Variants in PROM1 observed in about 807,000 individuals in gnomAD.
PROM1 encodes the protein prominin-1.
PROM1 carries 105 observed loss-of-function variants against 116.9 expected under a neutral mutation model. That is an observed-to-expected ratio of 0.90 (90% CI 0.77 to 1.06). The LOEUF (loss-of-function observed/expected upper bound fraction) is 1.06. Among genes scored for constraint, PROM1 ranks in the 50% least tolerant of loss-of-function variants. The probability of loss-of-function intolerance (pLI) is 0.00; values close to 1 mark genes in which losing one functional copy is unlikely to be tolerated. For synonymous variants in PROM1, 393 were observed against 387.0 expected (o/e 1.02, Z -0.18); for missense variants, 1,122 against 1,045.2 (o/e 1.07, Z -1.01).
At chr4:16,043,763 C>T (rs1223363907) in intron 2 of PROM1, among the ~76,000 whole-genome samples, 2 of 152,200 alleles carry the variant, frequency 1.3e-5, no homozygotes, top group Non-Finnish European at 2.9e-5. Context: ...ATGACGCTGT[C>T]TGGGATGTGG....
intron 23 of PROM1, among the ~76,000 whole-genome samples, chr4:15,981,252 C>T (rs988855570): frequency 6.0e-5 from 9 of 150,316 alleles, no homozygotes; most frequent in African/African-American, 1.5e-4. Context: ...TGAGCCACCG[C>T]GCCTGGCTGA....
chr4:16,055,540 C>T, intron 2 of PROM1: 2 of 414,908 alleles, frequency 4.8e-6, no homozygotes, highest in South Asian at 3.5e-5. Flanking sequence ...TAGCCTAATA[C>T]CAATTCACGG....
chr4:16,079,835 T>C (rs1744663904), intron 1 of PROM1: 1 of 151,776 alleles, frequency 6.6e-6, no homozygotes, highest in South Asian at 2.1e-4. Flanking sequence ...CATTGGAAAA[T>C]AACACATGTA....
At chr4:15,997,066 C>T (rs1398854532) in intron 15 of PROM1, among the ~76,000 whole-genome samples, 1 of 151,824 alleles carries the variant, frequency 6.6e-6, no homozygotes, top group African/African-American at 2.4e-5. Context: ...TAAAGTGACT[C>T]CCTTCCCTGT....
At chr4:16,008,714 T>C (rs1323280212) in intron 12 of PROM1, among the ~76,000 whole-genome samples, 1 of 152,242 alleles carries the variant, frequency 6.6e-6, no homozygotes, top group East Asian at 1.9e-4. Context: ...ATATCATCTG[T>C]ACACAGGAGT....
rs369358723 is a variant in PROM1, at chr4:16,020,042, G to C, written c.785-1502C>G. Among the ~76,000 whole-genome samples the C allele has an allele frequency of 1.8e-4, 27 of 152,220 alleles. No homozygotes were observed. The South Asian group carries it at 5.6e-3, about 32-fold the overall frequency. On this transcript the variant is annotated intron_variant, in intron 8 of 27. Transcript: ENST00000447510. Reference sequence around the variant, plus strand: ...ATCTATAAATTAGGGAGTGTGTTGGGTCACCTCCTGGTTACTAGAAGAGTC... The same window carrying C: ...ATCTATAAATTAGGGAGTGTGTTGGCTCACCTCCTGGTTACTAGAAGAGTC...
At chr4:16,015,408 G>A (rs1018879860) in intron 10 of PROM1, among the ~76,000 whole-genome samples, 4 of 148,182 alleles carry the variant, frequency 2.7e-5, no homozygotes, top group East Asian at 4.0e-4. Flanking sequence ...ACTAAGTAGC[G>A]GCTGGGTGTG....
chr4:16,000,386 T>TA, intron 14 of PROM1, 110 bp downstream of exon 14: 1 of 952,342 alleles, frequency 1.1e-6, no homozygotes. Flanking sequence ...TTACTGAATT[T>TA]AAACCAAACT....
intron 8 of PROM1, among the ~76,000 whole-genome samples, chr4:16,020,512 A>C (rs1729574377): frequency 6.6e-6 from 1 of 152,172 alleles, no homozygotes; most frequent in Admixed American, 6.5e-5. Context: ...ACAGAAATAC[A>C]CCAGAAATAC....
chr4:16,021,256 T>C (rs914606371), intron 8 of PROM1, among the ~76,000 whole-genome samples: 1 of 151,998 alleles, frequency 6.6e-6, no homozygotes, highest in African/African-American at 2.4e-5. Context: ...AAAAAGAGAA[T>C]CTTTGAGTTA....
intron 26 of PROM1, among the ~76,000 whole-genome samples, chr4:15,974,769 CAG>C (rs1715676726): frequency 2.0e-5 from 3 of 152,300 alleles, no homozygotes; most frequent in South Asian, 4.1e-4. Flanking sequence ...CCGCATCAGC[CAG>C]AGTCTTTTCT....
chr4:16,082,948 T>G (rs1406146266), intron 1 of PROM1, among the ~76,000 whole-genome samples: 1 of 151,820 alleles, frequency 6.6e-6, no homozygotes, highest in Non-Finnish European at 1.5e-5. Flanking sequence ...AGCACCCCAG[T>G]TCTCCATCTA....
chr4:16,004,833 C>CTT (rs1164773790), intron 13 of PROM1, among the ~76,000 whole-genome samples: 535 of 42,358 alleles, frequency 0.013, 6 homozygotes, highest in African/African-American at 0.031. Flanking sequence ...CTTTCTTTTT[C>CTT]TTCCTTCCTT....
intron 2 of PROM1, among the ~76,000 whole-genome samples, chr4:16,062,902 A>G (rs1489479649): frequency 6.6e-6 from 1 of 152,216 alleles, no homozygotes; most frequent in Non-Finnish European, 1.5e-5. Context: ...CAAAATATGC[A>G]AAGTATCCCC....
chr4:15,997,522 C>G (rs1243211375), intron 15 of PROM1, among the ~76,000 whole-genome samples: 1 of 151,960 alleles, frequency 6.6e-6, no homozygotes, highest in Non-Finnish European at 1.5e-5. Flanking sequence ...TGCAGTGGCA[C>G]GATCTTGGCT....
intron 5 of PROM1, among the ~76,000 whole-genome samples, chr4:16,025,864 A>T (rs748008458): frequency 3.9e-5 from 6 of 152,228 alleles, no homozygotes; most frequent in Non-Finnish European, 8.8e-5. Context: ...TCCAGGTTGG[A>T]AAGTAACATG....
intron 13 of PROM1, among the ~76,000 whole-genome samples, chr4:16,004,851 T>TCCTTCCTC (rs1724860175): frequency 1.4e-5 from 2 of 141,652 alleles, no homozygotes; most frequent in South Asian, 2.3e-4. Context: ...CTTCCTTCCT[T>TCCTTCCTC]CCTTCCTTCC....
chr4:16,075,555 T>C (rs1743770479), intron 2 of PROM1, 132 bp downstream of exon 2: 1 of 880,948 alleles, frequency 1.1e-6, no homozygotes, highest in South Asian at 2.4e-5. Context: ...TCTGTCTAAA[T>C]GCTTTCTGCT....
chr4:15,977,168 C>T (rs1461168264), intron 26 of PROM1, among the ~76,000 whole-genome samples: 1 of 146,286 alleles, frequency 6.8e-6, no homozygotes, highest in Non-Finnish European at 1.5e-5. Flanking sequence ...AGAAAGCCTG[C>T]CTGTGGCAGC....
Sources: gnomAD v4.1 joint callset for allele counts (sites outside exome capture counted in the v4.1 genomes callset) on GRCh38, gnomAD v4.1.1 for gene constraint, MANE v1.5 for transcripts, NCBI Gene and HGNC (gene_info 2026-07-23, HGNC 2026-07-21) for gene names.